The following VPS53 variants were observed in gnomAD, a reference collection of about 807,000 sequenced individuals.
The protein encoded by VPS53 is VPS53 subunit of GARP complex.
A neutral mutation model predicts 107.0 loss-of-function variants in VPS53; 70 were observed. The ratio of observed to expected loss-of-function variants is 0.65; its 90% CI spans 0.54 to 0.80. The LOEUF is 0.80. Ranked by LOEUF, VPS53 falls within the 30% of genes least tolerant of loss-of-function variation. The pLI is 0.00. For synonymous variants in VPS53, 409 were observed against 393.3 expected, an observed-to-expected ratio of 1.04 and a Z score of -0.47; for missense variants, 917 against 1,049.4, an observed-to-expected ratio of 0.87 and a Z score of 1.74.
intron 13 of VPS53, among the ~76,000 whole-genome samples, chr17:565,417 AAAAAAAAAAG>A (rs1355031522): frequency 1.3e-5 from 2 of 151,576 alleles, no homozygotes; most frequent in Admixed American, 1.3e-4. Context: ...AAAAAAAAAA[AAAAAAAAAAG>A]AAAGAAAAGA....
intron 7 of VPS53, among the ~76,000 whole-genome samples, chr17:646,556 G>A (rs62053766): frequency 0.069 from 259 of 3,766 alleles, 12 homozygotes; most frequent in Non-Finnish European, 0.11. Context: ...CTCCGTGACC[G>A]CATGGCCACT....
intron 12 of VPS53, among the ~76,000 whole-genome samples, chr17:596,720 A>G (rs896501978): frequency 6.6e-6 from 1 of 152,124 alleles, no homozygotes; most frequent in African/African-American, 2.4e-5. Context: ...TAGGTGCTGG[A>G]ATTTTGGCTA....
chr17:622,388 T>A (rs1969505665), intron 11 of VPS53, among the ~76,000 whole-genome samples: 1 of 148,594 alleles, frequency 6.7e-6, no homozygotes, highest in African/African-American at 2.5e-5. Context: ...ACCCGCAGTT[T>A]AAAAAAAAAA....
intron 5 of VPS53, among the ~76,000 whole-genome samples, chr17:660,331 C>T (rs1971390588): frequency 1.3e-5 from 2 of 152,150 alleles, no homozygotes; most frequent in Non-Finnish European, 2.9e-5. Context: ...ACAAAGGAAC[C>T]AGCACACTGC....
At chr17:664,951 G>A (rs549634957) in intron 4 of VPS53, among the ~76,000 whole-genome samples, 1 of 152,302 alleles carries the variant, frequency 6.6e-6, no homozygotes, top group African/African-American at 2.4e-5. Context: ...GGGCTTGACA[G>A]GCAGGTGTGT....
rs555314921 is a variant in VPS53 at position 592,598 on chromosome 17, T to C, written c.1219-6234A>G. On this transcript the variant is annotated intron_variant, in intron 12 of 21. Coordinates refer to ENST00000437048, the MANE Select transcript of VPS53 (RefSeq NM_001128159.3). ...TAGGGCAGGTCTGGTGGTGACAAAA[T>C]CTCTCAGCAGTTGCCTGTCTGTGAA... 2.6e-5 allele frequency among the ~76,000 whole-genome samples: 4 copies of C among 152,312 alleles called. 1 individual carries two copies. Among genetic ancestry groups the C allele is most frequent in the African/African-American group, 9.6e-5 (4 of 41,582 alleles).
At chr17:543,305 G>A (rs531589135) in intron 17 of VPS53, among the ~76,000 whole-genome samples, 13 of 152,304 alleles carry the variant, frequency 8.5e-5, no homozygotes, top group African/African-American at 2.9e-4. Flanking sequence ...TCTTCTACCT[G>A]TTTCAAAGTG....
intron 12 of VPS53, among the ~76,000 whole-genome samples, chr17:586,635 G>A (rs1373823812): frequency 6.6e-6 from 1 of 152,328 alleles, no homozygotes; most frequent in South Asian, 2.1e-4. Context: ...TCATCTATCT[G>A]ACTGGTGTTT....
At chr17:539,572 G>A (rs967324463) in intron 17 of VPS53, among the ~76,000 whole-genome samples, 3 of 152,130 alleles carry the variant, frequency 2.0e-5, no homozygotes, top group African/African-American at 4.8e-5. Context: ...TGTGGCACAC[G>A]CCTATAGTCT....
At chr17:699,431 C>A in intron 2 of VPS53, 51 bp from the exon 3 acceptor site, 3 of 1,443,030 alleles carry the variant, frequency 2.1e-6, no homozygotes, top group Non-Finnish European at 2.8e-6. Context: ...TCCTGGAATT[C>A]CTCTTTCACA....
intron 6 of VPS53, among the ~76,000 whole-genome samples, chr17:654,521 A>G (rs1298378552): frequency 2.4e-4 from 37 of 151,640 alleles, no homozygotes; most frequent in Middle Eastern, 6.8e-3. Flanking sequence ...GGCAGATCAC[A>G]AGGTCAGGAG....
chr17:612,459 C>T lies in VPS53; in HGVS notation c.1117-10563G>A, dbSNP rs1385360191. On this transcript the variant is annotated intron_variant, in intron 11 of 21. Transcript: ENST00000437048. ...ACAAATATTCACATAGTTCACACAG[C>T]GAAAACCTGTACAGATATTCACAGC... Among the ~76,000 whole-genome samples, 129 of 124,184 alleles carry T rather than the reference C, an allele frequency of 1.0e-3. No individual in the cohort carries two copies. In the East Asian group the frequency reaches 0.026, roughly 25 times the overall value. The allele number at this position is 124,184 out of a possible 152,430, so 81.5% of individuals were successfully genotyped here.
rs943386116 is a variant in VPS53 at position 667,279 on chromosome 17, G to T, written c.286-5384C>A. Among the ~76,000 whole-genome samples, 20 of 150,620 alleles carry T rather than the reference G, an allele frequency of 1.3e-4. No individual in the cohort carries two copies. In the East Asian group the frequency reaches 3.5e-3, roughly 27 times the overall value. ...AATATTTACTATCCAGCCCTTAACAGAAAGCTTGCTGACCCTGGTATAGAC... is the reference window on the plus strand; with the variant it reads ...AATATTTACTATCCAGCCCTTAACATAAAGCTTGCTGACCCTGGTATAGAC... On this transcript the variant is annotated intron_variant, in intron 4 of 21. Coordinates refer to ENST00000437048, the MANE Select transcript of VPS53 (RefSeq NM_001128159.3).
rs953770813 is a variant in VPS53 at position 518,292 on chromosome 17, G to T, written c.*836C>A. On this transcript the variant is annotated 3_prime_UTR_variant, in exon 22 of 22. Coordinates refer to ENST00000437048, the MANE Select transcript of VPS53 (RefSeq NM_001128159.3). ...GCGGTGGACAGGAAGGGCGGGGGGG[G>T]CGGGCAGGCTGCGTGCCAGGCCAGG... 2 of 150,604 alleles carry T rather than the reference G, an allele frequency of 1.3e-5. No individual in the cohort carries two copies. The highest frequency in any genetic ancestry group is 2.5e-5 in the African/African-American group (1 of 40,624). The allele number at this position is 150,604 out of a possible 1,614,324, so 9.3% of individuals were successfully genotyped here. A position where few individuals can be genotyped will look rare whatever the true frequency, so the allele number is the denominator to read the frequency against.
At chr17:655,772 A>T in intron 6 of VPS53, 66 bp downstream of exon 6, 1 of 1,434,598 alleles carries the variant, frequency 7.0e-7, no homozygotes, top group South Asian at 1.3e-5. Context: ...TAAATAGGCG[A>T]CAACACCATT....
intron 4 of VPS53, among the ~76,000 whole-genome samples, chr17:669,099 T>C (rs913855383): frequency 4.6e-5 from 7 of 152,190 alleles, no homozygotes; most frequent in Admixed American, 4.6e-4. Context: ...AAGTCCATTC[T>C]CAACACACAC....
chr17:609,427 T>C (rs889461268), intron 11 of VPS53, among the ~76,000 whole-genome samples: 4 of 152,234 alleles, frequency 2.6e-5, no homozygotes, highest in African/African-American at 4.8e-5. Context: ...CTATTGTGAA[T>C]AGTGTTGCTA....
At chr17:535,672 G>A (rs1348738371) in intron 18 of VPS53, among the ~76,000 whole-genome samples, 1 of 152,186 alleles carries the variant, frequency 6.6e-6, no homozygotes, top group Non-Finnish European at 1.5e-5. Flanking sequence ...GTTATGGGGA[G>A]CGTCACGATG....
chr17:597,866 G>A (rs1472289755), intron 12 of VPS53, among the ~76,000 whole-genome samples: 3 of 151,772 alleles, frequency 2.0e-5, no homozygotes, highest in South Asian at 2.1e-4. Context: ...CACCATTCCC[G>A]GCCATTTTTT....
Sources: gnomAD v4.1 joint callset for allele counts (sites outside exome capture counted in the v4.1 genomes callset) on GRCh38, gnomAD v4.1.1 for gene constraint, MANE v1.5 for transcripts, NCBI Gene and HGNC (gene_info 2026-07-23, HGNC 2026-07-21) for gene names.